RANBP2: variants seen among roughly 807,000 people sequenced by gnomAD.
RANBP2 encodes E3 SUMO-protein ligase RanBP2.
RANBP2 carries 57 observed loss-of-function variants against 303.6 expected under a neutral mutation model. That is an observed-to-expected ratio of 0.19 (90% CI 0.15 to 0.23). The LOEUF is 0.23. Ranked by LOEUF, RANBP2 falls within the 10% of genes least tolerant of loss-of-function variation. The pLI, the probability that RANBP2 is intolerant of heterozygous loss-of-function variation, is 1.00. For missense variants in RANBP2, 3,138 were observed against 3,780.8 expected (o/e 0.83, Z 4.46); for synonymous variants, 1,167 against 1,301.5 (o/e 0.90, Z 2.23).
the RANBP2 span, among the ~76,000 whole-genome samples, chr2:109,071,659 G>A: frequency 6.9e-6 from 1 of 145,606 alleles, no homozygotes; most frequent in Non-Finnish European, 1.5e-5. Context: ...GGGTGACAAA[G>A]CAAGACTCTA....
chr2:108,724,190 T>C (rs1485604084), intron 1 of RANBP2, among the ~76,000 whole-genome samples: 2 of 152,112 alleles, frequency 1.3e-5, no homozygotes, highest in African/African-American at 2.4e-5. Context: ...TGGGACAGAG[T>C]CTTGCTCTGT....
At chr2:109,134,380 G>GACCAA in the RANBP2 span, among the ~76,000 whole-genome samples, 672 of 152,312 alleles carry the variant, frequency 4.4e-3, 4 homozygotes, top group Middle Eastern at 0.017. Context: ...GCTCACAAGA[G>GACCAA]ACCAAACGAG....
chr2:109,080,799 GA>G, the RANBP2 span, among the ~76,000 whole-genome samples: 51 of 152,178 alleles, frequency 3.4e-4, no homozygotes. Flanking sequence ...CTACATCCAG[GA>G]AATCATTAAA....
the RANBP2 span, among the ~76,000 whole-genome samples, chr2:108,971,764 T>C: frequency 2.6e-5 from 4 of 152,216 alleles, no homozygotes; most frequent in African/African-American, 9.6e-5. Flanking sequence ...CACAAACTCT[T>C]TGATACCACC....
the RANBP2 span, among the ~76,000 whole-genome samples, chr2:109,266,387 C>G: frequency 5.3e-5 from 8 of 151,850 alleles, no homozygotes; most frequent in East Asian, 7.7e-4. Context: ...GAGGCTGCCC[C>G]AAGCAGGAGT....
chr2:109,150,342 C>T, the RANBP2 span, among the ~76,000 whole-genome samples: 4 of 151,916 alleles, frequency 2.6e-5, no homozygotes, highest in East Asian at 1.9e-4. Context: ...AGAGGATGGC[C>T]GAGGCAGGTG....
the RANBP2 span, among the ~76,000 whole-genome samples, chr2:109,767,294 G>A: frequency 6.7e-6 from 1 of 149,750 alleles, no homozygotes. Context: ...ACCCTGGGAC[G>A]GTTTTGAGTA....
the RANBP2 span, among the ~76,000 whole-genome samples, chr2:109,218,132 G>T: frequency 6.8e-6 from 1 of 145,992 alleles, no homozygotes. Context: ...GAAAACCATT[G>T]TCCTCTCCTT....
At chr2:109,344,649 G>A in the RANBP2 span, among the ~76,000 whole-genome samples, 2 of 152,188 alleles carry the variant, frequency 1.3e-5, no homozygotes, top group Non-Finnish European at 1.5e-5. Context: ...GGTGCAAGGA[G>A]AGATGACAGG....
At chr2:109,099,691 T>C in the RANBP2 span, among the ~76,000 whole-genome samples, 1 of 151,964 alleles carries the variant, frequency 6.6e-6, no homozygotes, top group Non-Finnish European at 1.5e-5. Context: ...GGGTGGGGAG[T>C]GGGAAAACTG....
At chr2:109,664,974 CA>C in the RANBP2 span, among the ~76,000 whole-genome samples, 1,313 of 150,452 alleles carry the variant, frequency 8.7e-3, 15 homozygotes, top group Middle Eastern at 0.028. Flanking sequence ...ATGACAACAA[CA>C]AAAAAACTCA....
At chr2:109,111,887 T>G in the RANBP2 span, among the ~76,000 whole-genome samples, 3 of 151,200 alleles carry the variant, frequency 2.0e-5, no homozygotes, top group Middle Eastern at 3.2e-3. Context: ...GCGGTGTTTG[T>G]TTTTTTGTCC....
chr2:109,129,976 GC>G, the RANBP2 span: 1 of 1,323,312 alleles, frequency 7.6e-7, no homozygotes, highest in Non-Finnish European at 9.6e-7. Context: ...CCAGAGTGCG[GC>G]CCCCACGCTC....
chr2:109,491,016 A>T, the RANBP2 span: 2 of 1,298,364 alleles, frequency 1.5e-6, no homozygotes, highest in South Asian at 3.7e-5. Context: ...GGGAGCAGGG[A>T]CACTGTGGCC....
the RANBP2 span, chr2:109,544,214 T>A: frequency 6.2e-7 from 1 of 1,609,474 alleles, no homozygotes; most frequent in Non-Finnish European, 8.5e-7. Context: ...ATAGAAGTGA[T>A]AAAACAAATA....
the RANBP2 span, among the ~76,000 whole-genome samples, chr2:109,334,452 C>T: frequency 8.6e-5 from 13 of 151,758 alleles, no homozygotes; most frequent in Non-Finnish European, 1.8e-4. Flanking sequence ...GGTGTCTTGG[C>T]TTCCTGTTGG....
At chr2:109,705,243 A>C in the RANBP2 span, among the ~76,000 whole-genome samples, 1 of 152,004 alleles carries the variant, frequency 6.6e-6, no homozygotes, top group Admixed American at 6.6e-5. Context: ...CATCTCTACT[A>C]AAAATATAAA....
At chr2:109,318,745 C>G in the RANBP2 span, among the ~76,000 whole-genome samples, 1 of 152,190 alleles carries the variant, frequency 6.6e-6, no homozygotes, top group South Asian at 2.1e-4. Context: ...ACTGACCCTT[C>G]TGGTCTCATC....
chr2:109,284,753 T>C, the RANBP2 span, among the ~76,000 whole-genome samples: 1 of 152,312 alleles, frequency 6.6e-6, no homozygotes, highest in African/African-American at 2.4e-5. Flanking sequence ...AGTCCCCGCA[T>C]GGCTAAGCAC....
Sources: gnomAD v4.1 joint callset for allele counts (sites outside exome capture counted in the v4.1 genomes callset) on GRCh38, gnomAD v4.1.1 for gene constraint, MANE v1.5 for transcripts, NCBI Gene and HGNC (gene_info 2026-07-23, HGNC 2026-07-21) for gene names.